The following RIN3 variants were observed in gnomAD, a reference collection of about 807,000 sequenced individuals.
RIN3 encodes the protein RAB5 interacting protein 3.
In RIN3, 54 loss-of-function variants were observed where a neutral mutation model predicts 76.3. That is an observed-to-expected ratio of 0.71 (90% CI 0.57 to 0.89). The LOEUF (loss-of-function observed/expected upper bound fraction) is 0.89. Among genes scored for constraint, RIN3 ranks in the 40% least tolerant of loss-of-function variants. RIN3 has a pLI of 0.00. For synonymous variants in RIN3, 576 were observed against 564.0 expected, an observed-to-expected ratio of 1.02 and a Z score of -0.30; for missense variants, 1,256 against 1,322.1, an observed-to-expected ratio of 0.95 and a Z score of 0.78.
At chr14:92,610,107 CAG>C (rs1885675427) in intron 3 of RIN3, among the ~76,000 whole-genome samples, 1 of 152,130 alleles carries the variant, frequency 6.6e-6, no homozygotes, top group Non-Finnish European at 1.5e-5. Flanking sequence ...TAGTGTATCA[CAG>C]AGTTGTGCAA....
chr14:92,526,037 G>C (rs369825234), intron 1 of RIN3, among the ~76,000 whole-genome samples: 1 of 152,198 alleles, frequency 6.6e-6, no homozygotes, highest in Non-Finnish European at 1.5e-5. Flanking sequence ...GCTGCTGCAG[G>C]CTCCGTGTGC....
chr14:92,588,274 C>T (rs1220073817), intron 3 of RIN3, among the ~76,000 whole-genome samples: 1 of 114,348 alleles, frequency 8.7e-6, no homozygotes, highest in Non-Finnish European at 1.6e-5. Flanking sequence ...GTTGCCCAGG[C>T]GGGAGTGCAG....
At chr14:92,660,911 A>G (rs530576115) in intron 7 of RIN3, among the ~76,000 whole-genome samples, 188 of 152,348 alleles carry the variant, frequency 1.2e-3, no homozygotes, top group African/African-American at 4.4e-3. Context: ...TGCAGTGAGC[A>G]GACTGTGTAC....
intron 1 of RIN3, among the ~76,000 whole-genome samples, chr14:92,538,842 A>G (rs369486545): frequency 3.3e-5 from 5 of 152,156 alleles, no homozygotes; most frequent in African/African-American, 4.8e-5. Context: ...AAAAGGGTTC[A>G]TATCCCAGCT....
intron 2 of RIN3, among the ~76,000 whole-genome samples, chr14:92,572,334 G>C (rs1898082706): frequency 6.6e-6 from 1 of 152,244 alleles, no homozygotes; most frequent in Non-Finnish European, 1.5e-5. Context: ...TCTAGAAGAA[G>C]GTCCTATACA....
intron 6 of RIN3, among the ~76,000 whole-genome samples, chr14:92,654,036 G>T (rs1887570609): frequency 6.6e-6 from 1 of 151,890 alleles, no homozygotes; most frequent in Non-Finnish European, 1.5e-5. Context: ...AAAAATAGCT[G>T]GGCGTGGTGG....
rs527686687 is a variant in RIN3 at position 92,669,363 on chromosome 14, G to A, written c.2336-7112G>A. Reference sequence around the variant, plus strand: ...TGGAGGAGTTTGCTGTCCTGGGACTGGGTGGTCAGGGAAGGCCTCTCTGAG... The same window carrying A: ...TGGAGGAGTTTGCTGTCCTGGGACTAGGTGGTCAGGGAAGGCCTCTCTGAG... On this transcript the variant is annotated intron_variant, in intron 7 of 9. Coordinates refer to ENST00000216487, the MANE Select transcript of RIN3 (RefSeq NM_024832.5). Among the ~76,000 whole-genome samples the A allele has an allele frequency of 8.5e-5, 13 of 152,320 alleles. No homozygotes were observed. In the South Asian group the frequency reaches 2.7e-3, roughly 32 times the overall value.
chr14:92,582,745 G>A (rs1400060621), intron 3 of RIN3, among the ~76,000 whole-genome samples: 1 of 152,084 alleles, frequency 6.6e-6, no homozygotes, highest in Non-Finnish European at 1.5e-5. Context: ...GAGCCACCCC[G>A]CCTGGCCTGC....
rs1406008975 is a variant in RIN3, at chr14:92,652,591, T to TG, written c.1543dup (p.Ala515GlyfsTer212). The TG allele has an allele frequency of 1.2e-6, 2 of 1,611,632 alleles. No homozygotes were observed. Among genetic ancestry groups the TG allele is most frequent in the Admixed American group, 1.7e-5 (1 of 60,010 alleles). ...CTCAGGCTGGGACTCAGCACCCTCC[T>TG]GCCCAGGCCACTGCCCATTCCCAGA... is the stretch of plus-strand genomic sequence containing the variant. On this transcript the variant is annotated frameshift_variant, in exon 6 of 10. Transcript: ENST00000216487. LOFTEE classifies it high-confidence loss of function. This position sits in a 1 kb window ranked among gnomAD's most constrained non-coding sequence, Gnocchi z 6.4.
chr14:92,601,594 G>A (rs553460501), intron 3 of RIN3, among the ~76,000 whole-genome samples: 13 of 151,800 alleles, frequency 8.6e-5, no homozygotes, highest in South Asian at 2.1e-4. Context: ...CCTTCTCCCC[G>A]TCCCCTCTGC....
At chr14:92,577,825 C>T (rs1898303375) in intron 3 of RIN3, among the ~76,000 whole-genome samples, 1 of 152,236 alleles carries the variant, frequency 6.6e-6, no homozygotes, top group African/African-American at 2.4e-5. Flanking sequence ...GCTCAGCACA[C>T]ACTCAATCCA....
chr14:92,555,556 C>G (rs1030732997), intron 1 of RIN3, among the ~76,000 whole-genome samples, 195 bp from the exon 2 acceptor site: 6 of 152,068 alleles, frequency 3.9e-5, no homozygotes, highest in South Asian at 2.1e-4. Context: ...CATCCTGGGT[C>G]GGGTGGGCTG....
At chr14:92,518,495 C>A (rs995844009) in intron 1 of RIN3, among the ~76,000 whole-genome samples, 10 of 152,152 alleles carry the variant, frequency 6.6e-5, no homozygotes, top group African/African-American at 2.4e-4. Flanking sequence ...CAGCTGGTGA[C>A]CCCCACCACA....
intron 3 of RIN3, among the ~76,000 whole-genome samples, chr14:92,606,965 G>A (rs1192172260): frequency 1.3e-5 from 2 of 152,208 alleles, no homozygotes. Flanking sequence ...ATTACTTGTA[G>A]TAGCCAAAAT....
intron 7 of RIN3, among the ~76,000 whole-genome samples, chr14:92,675,145 G>A (rs1392901672): frequency 6.6e-6 from 1 of 152,214 alleles, no homozygotes; most frequent in Non-Finnish European, 1.5e-5. Context: ...CAGTGAGAAT[G>A]TAACTGTTTT....
chr14:92,575,252 A>G (rs1360149099), intron 2 of RIN3, among the ~76,000 whole-genome samples: 1 of 152,196 alleles, frequency 6.6e-6, no homozygotes, highest in African/African-American at 2.4e-5. Flanking sequence ...TCACCAGAGC[A>G]AGGTCAGGAC....
chr14:92,669,841 C>G (rs12897154), intron 7 of RIN3, among the ~76,000 whole-genome samples: 94,663 of 152,110 alleles, frequency 0.62, 29,675 homozygotes, highest in East Asian at 0.8. Context: ...GCCAGAGACC[C>G]TGTGGCCCCT....
intron 3 of RIN3, among the ~76,000 whole-genome samples, chr14:92,595,758 GCCCCA>G (rs1281943923): frequency 1.3e-5 from 2 of 152,160 alleles, no homozygotes; most frequent in Admixed American, 1.3e-4. Flanking sequence ...GAAAGATAAA[GCCCCA>G]CACAGACAGA....
rs1887488829 is a variant in RIN3 at position 92,652,404 on chromosome 14, C to T, written c.1355C>T (p.Thr452Ile). The T allele has an allele frequency of 1.2e-6, 2 of 1,612,876 alleles. No homozygotes were observed. Among genetic ancestry groups the T allele is most frequent in the Admixed American group, 1.7e-5 (1 of 59,878 alleles). The change falls in exon 6 of 10, where the codon ACA (threonine) becomes ATA (isoleucine). Residue 452 changes from threonine to isoleucine, a missense_variant. Transcript: ENST00000216487. This position sits in a 1 kb window ranked among gnomAD's most constrained non-coding sequence, Gnocchi z 6.4. The part of the protein sequence containing the change: ...DPHSMPELPR[T>I]AKQPPVPPPR... ...CACAGCATGCCAGAGCTGCCCAGGA[C>T]AGCCAAACAACCCCCAGTCCCGCCC...
Sources: allele counts gnomAD v4.1 joint callset (sites outside exome capture counted in the v4.1 genomes callset), GRCh38; gene constraint gnomAD v4.1.1; non-coding constraint Gnocchi (gnomAD v3.1); transcripts MANE v1.5; gene names NCBI Gene and HGNC (gene_info 2026-07-23, HGNC 2026-07-21).